KIRREL1: variants seen among roughly 807,000 people sequenced by gnomAD.
The protein encoded by KIRREL1 is kirre like nephrin family adhesion molecule 1.
A neutral mutation model predicts 83.3 loss-of-function variants in KIRREL1; 25 were observed. That is an observed-to-expected ratio of 0.30 (90% CI 0.22 to 0.42). The LOEUF is 0.42. Among genes scored for constraint, KIRREL1 ranks in the 10% least tolerant of loss-of-function variants. KIRREL1 has a pLI of 1.00. For missense variants in KIRREL1, 812 were observed against 1,032.3 expected, an observed-to-expected ratio of 0.79 and a Z score of 2.92; for synonymous variants, 388 against 410.4, an observed-to-expected ratio of 0.95 and a Z score of 0.66.
intron 5 of KIRREL1, 127 bp from the exon 6 acceptor site, chr1:158,087,623 GGAGCC>G: frequency 1.6e-6 from 1 of 630,732 alleles, no homozygotes; most frequent in South Asian, 2.1e-5. Flanking sequence ...TGTGTTAACT[GGAGCC>G]GATACACTGC....
At chr1:157,998,481 A>G (rs1044553329) in intron 1 of KIRREL1, among the ~76,000 whole-genome samples, 2 of 152,148 alleles carry the variant, frequency 1.3e-5, no homozygotes, top group African/African-American at 4.8e-5. Context: ...TTTTTCAAGG[A>G]CTTGGCAAAT....
At chr1:157,995,208 G>T (rs1020618023) in intron 1 of KIRREL1, among the ~76,000 whole-genome samples, 1 of 152,130 alleles carries the variant, frequency 6.6e-6, no homozygotes, top group African/African-American at 2.4e-5. Flanking sequence ...TCCCAGTTCC[G>T]AAGGCAAAGC....
At chr1:158,081,251 A>G (rs1661845662) in intron 3 of KIRREL1, among the ~76,000 whole-genome samples, 1 of 152,102 alleles carries the variant, frequency 6.6e-6, no homozygotes. Context: ...CTCTGAGCAC[A>G]TTTGTTTATC....
chr1:158,007,289 C>T (rs1239842264), intron 1 of KIRREL1, among the ~76,000 whole-genome samples: 1 of 152,144 alleles, frequency 6.6e-6, no homozygotes. Flanking sequence ...GCTGGGTCAT[C>T]AGCGAGGGAC....
At chr1:158,038,179 C>T (rs1660526146) in intron 1 of KIRREL1, among the ~76,000 whole-genome samples, 2 of 152,246 alleles carry the variant, frequency 1.3e-5, no homozygotes, top group East Asian at 1.9e-4. Flanking sequence ...TCCATCCGTT[C>T]TCCTCATGTG....
At chr1:158,013,864 T>C (rs1659752883) in intron 1 of KIRREL1, among the ~76,000 whole-genome samples, 1 of 152,170 alleles carries the variant, frequency 6.6e-6, no homozygotes, top group Non-Finnish European at 1.5e-5. Flanking sequence ...TTAAGGAGCT[T>C]ACTGTCCATT....
chr1:158,052,977 T>A lies in KIRREL1; in HGVS notation c.53-23136T>A, dbSNP rs536562136. Among the ~76,000 whole-genome samples the A allele has an allele frequency of 1.8e-4, 28 of 152,180 alleles. No homozygotes were observed. The East Asian group carries it at 5.4e-3, about 29-fold the overall frequency. On this transcript the variant is annotated intron_variant, in intron 1 of 14. Coordinates refer to ENST00000359209, the MANE Select transcript of KIRREL1 (RefSeq NM_018240.7). The stretch of plus-strand genomic sequence containing the variant: ...AGCTCCTTTAAACAACCAGCTCATG[T>A]GTGAACTAACAGAGAGAGAACTCAC...
At chr1:158,010,393 G>GCACACACACA (rs1196299743) in intron 1 of KIRREL1, among the ~76,000 whole-genome samples, 3 of 12,564 alleles carry the variant, frequency 2.4e-4, no homozygotes, top group African/African-American at 6.5e-4. Context: ...TCACACACAT[G>GCACACACACA]CATACACACA....
chr1:158,018,410 C>G (rs546151403), intron 1 of KIRREL1, among the ~76,000 whole-genome samples: 2 of 152,030 alleles, frequency 1.3e-5, no homozygotes, highest in Non-Finnish European at 2.9e-5. Flanking sequence ...GGTGAAGCCC[C>G]GGGAGAGACC....
chr1:158,029,929 T>C (rs961831362), intron 1 of KIRREL1, among the ~76,000 whole-genome samples: 55 of 152,224 alleles, frequency 3.6e-4, no homozygotes, highest in African/African-American at 1.3e-3. Context: ...ATGTACGTAG[T>C]ACAAAATATA....
chr1:158,003,326 G>A (rs1557984529), intron 1 of KIRREL1, among the ~76,000 whole-genome samples: 1 of 152,180 alleles, frequency 6.6e-6, no homozygotes, highest in Non-Finnish European at 1.5e-5. Flanking sequence ...TAGGCAGGCT[G>A]GCAGAATGAA....
intron 1 of KIRREL1, among the ~76,000 whole-genome samples, chr1:158,046,232 GA>G (rs1418270574): frequency 1.3e-5 from 2 of 152,192 alleles, no homozygotes. Flanking sequence ...GGATTATTGG[GA>G]AATGAGAACC....
At chr1:158,050,971 G>A (rs1438515103) in intron 1 of KIRREL1, among the ~76,000 whole-genome samples, 2 of 152,142 alleles carry the variant, frequency 1.3e-5, no homozygotes, top group African/African-American at 2.4e-5. Context: ...GAAAACTTAA[G>A]AGCAGGAAGT....
At position 158,084,484 on chromosome 1, in the gene KIRREL1, C is replaced by G. The variant is rs769514849; in HGVS notation, c.415C>G (p.His139Asp). The G allele has an allele frequency of 2.7e-5, 42 of 1,551,828 alleles. No homozygotes were observed. Among genetic ancestry groups the G allele is most frequent in the Non-Finnish European group, 3.4e-5 (39 of 1,147,022 alleles). Residue 139 changes from histidine to aspartate, a missense_variant, in exon 4 of 15, where the codon CAC becomes GAC. His to Asp is a moderately conservative substitution (Grantham distance 81). Coordinates refer to ENST00000359209, the MANE Select transcript of KIRREL1 (RefSeq NM_018240.7). ...GATTCTACTGCAGGCAGGCACCCCC[C>G]ACAACCTCACATGCCGGGCCTTCAA... The part of the protein sequence containing the change: ...PVILLQAGTP[H>D]NLTCRAFNAK...
At chr1:157,995,602 G>A (rs1659172702) in intron 1 of KIRREL1, among the ~76,000 whole-genome samples, 1 of 152,162 alleles carries the variant, frequency 6.6e-6, no homozygotes, top group Non-Finnish European at 1.5e-5. Context: ...CAGCATCATG[G>A]ATACAAATGA....
In KIRREL1 at chr1:158,099,443, G is replaced by C. The variant is rs1167816201; in HGVS notation, c.*4323G>C. The C allele has an allele frequency of 6.6e-6, 1 of 152,164 alleles. No homozygotes were observed. The highest frequency in any genetic ancestry group is 1.9e-4 in the East Asian group (1 of 5,190). The allele number at this position is 152,164 out of a possible 1,614,324, so 9.4% of individuals were successfully genotyped here. ...TCATCTTTGTCAGCGTGGTCCTGAC[G>C]TTCACCTCTGGGCTGCTGGAGAGGA... On this transcript the variant is annotated 3_prime_UTR_variant, in exon 15 of 15. Coordinates refer to ENST00000359209, the MANE Select transcript of KIRREL1 (RefSeq NM_018240.7).
Position 158,030,132 on chromosome 1 carries a change from T to C in KIRREL1, c.52+36404T>C, listed in dbSNP as rs77840751. ...AAATGGTTACCTGAAGTTACCCACA[T>C]GAAAGTGGTGGGACTAGAACCCACA... On this transcript the variant is annotated intron_variant, in intron 1 of 14. Transcript: ENST00000359209. Among the ~76,000 whole-genome samples, 591 of 152,322 alleles carry C rather than the reference T, an allele frequency of 3.9e-3. 3 individuals are homozygous for C. The highest frequency in any genetic ancestry group is 0.013 in the African/African-American group (550 of 41,574).
intron 1 of KIRREL1, among the ~76,000 whole-genome samples, chr1:158,050,980 GTTC>G (rs1263817117): frequency 2.0e-5 from 3 of 152,192 alleles, no homozygotes; most frequent in Admixed American, 6.5e-5. Context: ...AGAGCAGGAA[GTTC>G]TTCTTCATGT....
At position 158,094,518 on chromosome 1, in the gene KIRREL1, G is replaced by A. The variant is rs1424524328; in HGVS notation, c.1798-126G>A. ...GGTTGGGAGGGTTTTTGAAGGAGCA[G>A]AGGAGGTGGAATGCTAGATGGGGAC... On this transcript the variant is annotated intron_variant, in intron 14 of 14. Coordinates refer to ENST00000359209, the MANE Select transcript of KIRREL1 (RefSeq NM_018240.7). The surrounding 1 kb of genome is among the most constrained non-coding windows in gnomAD (Gnocchi z 4.6). 3.2e-6 allele frequency: 4 copies of A among 1,262,820 alleles called. No homozygotes were observed. Among genetic ancestry groups the A allele is most frequent in the Non-Finnish European group, 4.6e-6 (4 of 865,046 alleles). 78.2% of individuals were successfully genotyped at this position (1,262,820 alleles called of 1,614,324 possible). A position where few individuals can be genotyped will look rare whatever the true frequency, so the allele number is the denominator to read the frequency against.
Sources: allele counts gnomAD v4.1 joint callset (sites outside exome capture counted in the v4.1 genomes callset), GRCh38; gene constraint gnomAD v4.1.1; non-coding constraint Gnocchi (gnomAD v3.1); transcripts MANE v1.5; gene names NCBI Gene and HGNC (gene_info 2026-07-23, HGNC 2026-07-21).